Variants in MILR1 observed in about 807,000 individuals in gnomAD.
MILR1 encodes allergin-1.
Under a neutral mutation model 18.5 loss-of-function variants are expected in MILR1, and 31 were observed. That is an observed-to-expected ratio of 1.68 (90% confidence interval 1.26 to 2.26). The LOEUF (loss-of-function observed/expected upper bound fraction) is 2.26. Ranked by LOEUF, MILR1 falls within the 30% of genes most tolerant of loss-of-function variation. The pLI is 0.00. For missense variants in MILR1, 257 were observed against 157.4 expected (o/e 1.63, Z -3.38); for synonymous variants, 85 against 56.2 (o/e 1.51, Z -2.30).
chr17:64,456,295 A>G (rs1343517558), intron 3 of MILR1, among the ~76,000 whole-genome samples: 4 of 151,470 alleles, frequency 2.6e-5, no homozygotes, highest in African/African-American at 9.8e-5. Flanking sequence ...CTTTCCTATA[A>G]TACTGTCTTA....
At chr17:64,468,941 G>C (rs1457691406), downstream of MILR1, among the ~76,000 whole-genome samples, 1 of 151,958 alleles carries the variant, frequency 6.6e-6, no homozygotes, top group African/African-American at 2.4e-5. Context: ...AAAAAAATTA[G>C]CTGGGCACAG....
At chr17:64,485,480 G>A in the MILR1 span, 3 of 493,350 alleles carry the variant, frequency 6.1e-6, no homozygotes, top group Admixed American at 3.3e-5. Context: ...GAGTCATAGA[G>A]ATAGCTGTCT....
At chr17:64,471,703 A>G (rs914391659), downstream of MILR1, among the ~76,000 whole-genome samples, 1 of 152,274 alleles carries the variant, frequency 6.6e-6, no homozygotes, top group South Asian at 2.1e-4. Flanking sequence ...TATAATCCCA[A>G]TACCCTGGGA....
downstream of MILR1, among the ~76,000 whole-genome samples, chr17:64,470,035 G>C (rs2037663782): frequency 1.3e-5 from 2 of 152,160 alleles, no homozygotes. Flanking sequence ...AGTTTGGAAA[G>C]ACAAAAAAGT....
the MILR1 span, chr17:64,496,263 T>C: frequency 1.9e-5 from 12 of 625,036 alleles, no homozygotes; most frequent in Admixed American, 5.6e-5. Context: ...GCACTGTTAA[T>C]ATATCCGACT....
the MILR1 span, chr17:64,497,049 A>C: frequency 7.1e-7 from 1 of 1,415,286 alleles, no homozygotes; most frequent in Admixed American, 1.7e-5. Flanking sequence ...CAGAATCCGG[A>C]GAGGCCACGG....
the MILR1 span, among the ~76,000 whole-genome samples, chr17:64,483,387 T>C: frequency 2.0e-5 from 3 of 151,924 alleles, no homozygotes; most frequent in Non-Finnish European, 4.4e-5. Context: ...GTATGGCGCA[T>C]ACCTGTAGTC....
intron 5 of MILR1, 88 bp from the exon 6 acceptor site, chr17:64,465,364 C>A: frequency 1.1e-6 from 1 of 936,616 alleles, no homozygotes; most frequent in Non-Finnish European, 1.7e-6. Context: ...TGTTTCAGAA[C>A]TTTGAGGGAA....
intron 4 of MILR1, 105 bp from the exon 5 acceptor site, chr17:64,460,716 TA>T: frequency 2.3e-6 from 1 of 435,958 alleles, no homozygotes; most frequent in Non-Finnish European, 4.2e-6. Flanking sequence ...GGGTGCATAG[TA>T]CATTGGTTAA....
At chr17:64,454,232 G>A (rs78958938) in intron 3 of MILR1, among the ~76,000 whole-genome samples, 133,708 of 151,844 alleles carry the variant, frequency 0.88, 58,923 homozygotes, top group Non-Finnish European at 0.91. Flanking sequence ...CCTGGCCAAC[G>A]TTTATTTATT....
chr17:64,466,985 CTCTT>C (rs1397575944), intron 8 of MILR1, among the ~76,000 whole-genome samples: 4 of 151,666 alleles, frequency 2.6e-5, no homozygotes, highest in East Asian at 1.9e-4. Context: ...TTCTTTCTTT[CTCTT>C]TCTGTCTCTC....
downstream of MILR1, among the ~76,000 whole-genome samples, chr17:64,473,165 C>T (rs1389527467): frequency 2.0e-5 from 3 of 151,952 alleles, no homozygotes; most frequent in Admixed American, 6.6e-5. Context: ...CTGGCTAACA[C>T]GATGAAACCC....
At chr17:64,491,002 A>G in the MILR1 span, 1 of 1,515,668 alleles carries the variant, frequency 6.6e-7, no homozygotes, top group Non-Finnish European at 9.2e-7. Flanking sequence ...GTCTTAACAT[A>G]TTTAAATAAA....
chr17:64,453,599 C>G (rs969005486), intron 3 of MILR1, among the ~76,000 whole-genome samples: 1 of 142,356 alleles, frequency 7.0e-6, no homozygotes, highest in Non-Finnish European at 1.5e-5. Flanking sequence ...CAAAGCCTCA[C>G]GCCTTTCCCA....
intron 6 of MILR1, among the ~76,000 whole-genome samples, chr17:64,465,886 C>G (rs1370533960): frequency 6.6e-6 from 1 of 152,100 alleles, no homozygotes; most frequent in Non-Finnish European, 1.5e-5. Context: ...GGTCACCTCT[C>G]AAAGCAGGCA....
chr17:64,451,857 G>T (rs1275299327), intron 2 of MILR1, among the ~76,000 whole-genome samples: 1 of 151,920 alleles, frequency 6.6e-6, no homozygotes, highest in Admixed American at 6.6e-5. Flanking sequence ...AGTTGAGCCT[G>T]GAAGGTGGAG....
At chr17:64,482,076 A>C in the MILR1 span, among the ~76,000 whole-genome samples, 2 of 144,888 alleles carry the variant, frequency 1.4e-5, no homozygotes, top group Non-Finnish European at 3.0e-5. Flanking sequence ...ACTTACCCAC[A>C]GTTCATTATT....
At chr17:64,475,961 C>T in the MILR1 span, among the ~76,000 whole-genome samples, 12 of 151,502 alleles carry the variant, frequency 7.9e-5, no homozygotes, top group Admixed American at 7.9e-4. Context: ...TTACAGGCGC[C>T]CACCACCACG....
chr17:64,484,961 C>A, the MILR1 span, among the ~76,000 whole-genome samples: 1 of 152,294 alleles, frequency 6.6e-6, no homozygotes, highest in South Asian at 2.1e-4. Flanking sequence ...TAAACCCCCA[C>A]TCTTCCACAT....
Sources: allele counts gnomAD v4.1 joint callset (sites outside exome capture counted in the v4.1 genomes callset), GRCh38; gene constraint gnomAD v4.1.1; transcripts MANE v1.5; gene names NCBI Gene and HGNC (gene_info 2026-07-23, HGNC 2026-07-21).